Variants in CDCA7L observed in about 807,000 individuals in gnomAD.
CDCA7L encodes cell division cycle-associated 7-like protein.
CDCA7L carries 44 observed loss-of-function variants against 57.4 expected under a neutral mutation model. That is an observed-to-expected ratio of 0.77 (90% confidence interval 0.60 to 0.98). The LOEUF (loss-of-function observed/expected upper bound fraction) is 0.98, where lower values mean the gene tolerates loss of function less well. Among genes scored for constraint, CDCA7L ranks in the 50% least tolerant of loss-of-function variants. The pLI is 0.00. For synonymous variants in CDCA7L, 236 were observed against 202.8 expected, an observed-to-expected ratio of 1.16 and a Z score of -1.39; for missense variants, 644 against 580.6, an observed-to-expected ratio of 1.11 and a Z score of -1.12.
chr7:21,940,113 G>C (rs1186495635), intron 1 of CDCA7L: 1 of 153,736 alleles, frequency 6.5e-6, no homozygotes, highest in South Asian at 2.1e-4. Flanking sequence ...TGCAGTGGCA[G>C]AGGGAATGAG....
At chr7:21,934,419 A>T (rs1466475586) in intron 1 of CDCA7L, among the ~76,000 whole-genome samples, 2 of 152,132 alleles carry the variant, frequency 1.3e-5, no homozygotes, top group African/African-American at 4.8e-5. Context: ...CTAAGAAGAA[A>T]AGGAAATGAA....
At chr7:21,925,544 C>A (rs540769026) in intron 1 of CDCA7L, among the ~76,000 whole-genome samples, 5 of 152,248 alleles carry the variant, frequency 3.3e-5, no homozygotes, top group South Asian at 4.1e-4. Context: ...TAGCTAAACT[C>A]AGGGTGAAGG....
intron 6 of CDCA7L, among the ~76,000 whole-genome samples, chr7:21,905,893 G>T (rs1016383958): frequency 4.6e-5 from 7 of 152,164 alleles, no homozygotes; most frequent in Non-Finnish European, 1.0e-4. Context: ...GAACCACACT[G>T]AACAGCCAAA....
At chr7:21,909,038 G>C (rs193245495) in intron 3 of CDCA7L, among the ~76,000 whole-genome samples, 2 of 152,320 alleles carry the variant, frequency 1.3e-5, no homozygotes, top group East Asian at 3.9e-4. Flanking sequence ...CCTCAGTCAA[G>C]GGGCACCTTT....
At position 21,909,700 on chromosome 7, in the gene CDCA7L, G is replaced by A. The variant is rs529675262; in HGVS notation, c.304-1193C>T. ...AACCCAATTTCAGGGGACACTGTCAGGGAAGAACTTCAGTTTTGATCCATT... is the reference window on the plus strand; with the variant it reads ...AACCCAATTTCAGGGGACACTGTCAAGGAAGAACTTCAGTTTTGATCCATT... On this transcript the variant is annotated intron_variant, in intron 3 of 9. Coordinates refer to ENST00000406877, the MANE Select transcript of CDCA7L (RefSeq NM_018719.5). Among the ~76,000 whole-genome samples, 92 of 152,294 alleles carry A rather than the reference G, an allele frequency of 6.0e-4. 2 individuals are homozygous for A. The South Asian group carries it at 0.017, about 28-fold the overall frequency.
chr7:21,917,874 T>C (rs1427383147), intron 1 of CDCA7L, among the ~76,000 whole-genome samples: 1 of 84,850 alleles, frequency 1.2e-5, no homozygotes, highest in Non-Finnish European at 2.1e-5. Context: ...AAAACCATAA[T>C]TGTACCGAAA....
intron 3 of CDCA7L, among the ~76,000 whole-genome samples, chr7:21,909,711 C>T (rs921517907): frequency 6.6e-6 from 1 of 152,168 alleles, no homozygotes; most frequent in Non-Finnish European, 1.5e-5. Flanking sequence ...GGAAGAACTT[C>T]AGTTTTGATC....
chr7:21,916,990 T>C, intron 1 of CDCA7L, 96 bp from the exon 2 acceptor site: 1 of 1,421,184 alleles, frequency 7.0e-7, no homozygotes, highest in Non-Finnish European at 9.8e-7. Flanking sequence ...CATCACTTCA[T>C]CCAACTGCCA....
intron 1 of CDCA7L, among the ~76,000 whole-genome samples, chr7:21,918,443 G>C (rs1430530102): frequency 6.6e-6 from 1 of 152,166 alleles, no homozygotes; most frequent in Non-Finnish European, 1.5e-5. Context: ...TAAAAACTTA[G>C]TTTATCTGCA....
chr7:21,943,870 T>C (rs1324037819), intron 1 of CDCA7L, among the ~76,000 whole-genome samples: 5 of 152,192 alleles, frequency 3.3e-5, no homozygotes, highest in Admixed American at 3.3e-4. Flanking sequence ...TTAGCCTCAT[T>C]GTGTGGCAGT....
At chr7:21,922,417 A>C (rs1336165051) in intron 1 of CDCA7L, among the ~76,000 whole-genome samples, 3 of 152,006 alleles carry the variant, frequency 2.0e-5, no homozygotes, top group Admixed American at 6.6e-5. Flanking sequence ...CCACTCCTCC[A>C]CTCCAGCTGA....
At chr7:21,902,503 G>GTATACCCTCTGGTGTA (rs1784949140) in intron 9 of CDCA7L, 151 bp from the exon 10 acceptor site, 2 of 736,070 alleles carry the variant, frequency 2.7e-6, no homozygotes, top group Non-Finnish European at 4.8e-6. Context: ...ATCAATATCC[G>GTATACCCTCTGGTGTA]TATACCCTCT....
intron 1 of CDCA7L, among the ~76,000 whole-genome samples, chr7:21,939,204 A>G (rs1786266387): frequency 6.6e-6 from 1 of 152,190 alleles, no homozygotes; most frequent in Non-Finnish European, 1.5e-5. Context: ...GGAAGAGGTC[A>G]TAGGGGTAAT....
At position 21,930,463 on chromosome 7, in the gene CDCA7L, G is replaced by T. The variant is rs7788337; in HGVS notation, c.25-13569C>A. On this transcript the variant is annotated intron_variant, in intron 1 of 9. Coordinates refer to ENST00000406877, the MANE Select transcript of CDCA7L (RefSeq NM_018719.5). ...TGTAATCCTAGCACTTTGGGAGGCCGAGGTGGGCAGATCACGAGGTCAGGA... is the reference window on the plus strand; with the variant it reads ...TGTAATCCTAGCACTTTGGGAGGCCTAGGTGGGCAGATCACGAGGTCAGGA... Among the ~76,000 whole-genome samples, 1,356 of 152,002 alleles carry T rather than the reference G, an allele frequency of 8.9e-3. 7 individuals carry two copies. Among genetic ancestry groups the T allele is most frequent in the Non-Finnish European group, 0.015 (1,040 of 67,982 alleles).
chr7:21,903,233 T>C lies in CDCA7L; in HGVS notation c.1198-119A>G, dbSNP rs1457164545. On this transcript the variant is annotated intron_variant, in intron 8 of 9. Transcript: ENST00000406877. The stretch of plus-strand genomic sequence containing the variant: ...CTCCAACCTTTAATCACATGGCATC[T>C]TTCAGTCTACGTCCCAGGGGGCTCC... 15 of 945,348 alleles carry C rather than the reference T, an allele frequency of 1.6e-5. No homozygotes were observed. The East Asian group carries it at 3.5e-4, about 22-fold the overall frequency. The allele number at this position is 945,348 out of a possible 1,614,324, so 58.6% of individuals were successfully genotyped here. A position where few individuals can be genotyped will look rare whatever the true frequency, so the allele number is the denominator to read the frequency against.
intron 1 of CDCA7L, among the ~76,000 whole-genome samples, chr7:21,924,573 G>A (rs1381494615): frequency 6.6e-6 from 1 of 152,142 alleles, no homozygotes; most frequent in Admixed American, 6.5e-5. Flanking sequence ...CATAAGAAAA[G>A]TACATACCAT....
At chr7:21,917,120 A>G (rs1048454813) in intron 1 of CDCA7L, among the ~76,000 whole-genome samples, 1 of 152,136 alleles carries the variant, frequency 6.6e-6, no homozygotes, top group Non-Finnish European at 1.5e-5. Context: ...TATACACCCT[A>G]TTTTACAGAG....
chr7:21,901,543 T>A lies in CDCA7L; in HGVS notation c.*779A>T. ...GAGGTTGCACCACTGCACTCCCTCC[T>A]GGGCAACAGAACAAGACTCCATCTC... On this transcript the variant is annotated 3_prime_UTR_variant, in exon 10 of 10. Coordinates refer to ENST00000406877, the MANE Select transcript of CDCA7L (RefSeq NM_018719.5). 1 of 244,534 alleles carries A rather than the reference T, an allele frequency of 4.1e-6. No homozygotes were observed. Among genetic ancestry groups the A allele is most frequent in the Non-Finnish European group, 7.7e-6 (1 of 129,532 alleles). The allele number at this position is 244,534 out of a possible 1,614,324, so 15.1% of individuals were successfully genotyped here.
intron 3 of CDCA7L, among the ~76,000 whole-genome samples, chr7:21,909,939 G>T (rs1159102201): frequency 2.6e-5 from 4 of 152,174 alleles, no homozygotes. Context: ...TATCAAGAAA[G>T]ATAGGTTCGC....
Sources: allele counts gnomAD v4.1 joint callset (sites outside exome capture counted in the v4.1 genomes callset), GRCh38; gene constraint gnomAD v4.1.1; transcripts MANE v1.5; gene names NCBI Gene and HGNC (gene_info 2026-07-23, HGNC 2026-07-21).